Variants in RGS6 observed in about 807,000 individuals in gnomAD.
RGS6 encodes the protein regulator of G-protein signaling 6.
Under a neutral mutation model 78.5 loss-of-function variants are expected in RGS6, and 30 were observed. That is an observed-to-expected ratio of 0.38 (90% CI 0.29 to 0.52). The LOEUF is 0.52. Among genes scored for constraint, RGS6 ranks in the 20% least tolerant of loss-of-function variants. RGS6 has a pLI of 0.85. For missense variants in RGS6, 495 were observed against 609.7 expected (o/e 0.81, Z 1.98); for synonymous variants, 206 against 206.0 (o/e 1.00, Z 0.00).
chr14:71,869,553 C>G, the RGS6 span, among the ~76,000 whole-genome samples: 1 of 152,128 alleles, frequency 6.6e-6, no homozygotes, highest in Non-Finnish European at 1.5e-5. Flanking sequence ...ACAAGCTTCC[C>G]CAACAAAGGA....
chr14:72,538,324 C>T (rs530003822), intron 16 of RGS6, among the ~76,000 whole-genome samples: 8 of 152,316 alleles, frequency 5.3e-5, no homozygotes, highest in East Asian at 1.9e-4. Context: ...CTGACCTGGA[C>T]GGAGTCTTGA....
chr14:71,952,381 C>T (rs1444903979), intron 1 of RGS6, among the ~76,000 whole-genome samples: 2 of 152,004 alleles, frequency 1.3e-5, no homozygotes, highest in Non-Finnish European at 2.9e-5. Context: ...CACAGAATAG[C>T]GGGCTCACCT....
chr14:71,964,902 G>A (rs187282580), intron 2 of RGS6, 27 bp downstream of exon 2: 79 of 1,581,276 alleles, frequency 5.0e-5, no homozygotes, highest in African/African-American at 1.5e-4. Context: ...AGTGCCGTGC[G>A]TGCTGTCCGT....
At chr14:72,463,843 G>C (rs1418701497) in intron 6 of RGS6, among the ~76,000 whole-genome samples, 1 of 152,214 alleles carries the variant, frequency 6.6e-6, no homozygotes, top group Non-Finnish European at 1.5e-5. Flanking sequence ...TGATAGATCG[G>C]ACACCCCTTT....
chr14:72,628,779 T>A, the RGS6 span, among the ~76,000 whole-genome samples: 2 of 151,966 alleles, frequency 1.3e-5, no homozygotes, highest in East Asian at 3.9e-4. Flanking sequence ...CAGAGGAAAA[T>A]GTCAGACAGC....
chr14:72,571,002 C>T (rs1337597233), downstream of RGS6, among the ~76,000 whole-genome samples: 2 of 152,114 alleles, frequency 1.3e-5, no homozygotes, highest in African/African-American at 2.4e-5. Flanking sequence ...CCAGACATAT[C>T]TTGTACATTT....
chr14:72,176,597 G>T (rs959355889), intron 2 of RGS6, among the ~76,000 whole-genome samples: 1 of 152,234 alleles, frequency 6.6e-6, no homozygotes, highest in Non-Finnish European at 1.5e-5. Context: ...AAGCCTGAAG[G>T]CTTCTGGGAG....
chr14:72,109,604 CA>C (rs1398160117), intron 2 of RGS6, among the ~76,000 whole-genome samples: 1 of 152,172 alleles, frequency 6.6e-6, no homozygotes, highest in East Asian at 1.9e-4. Context: ...TGCCCAATTA[CA>C]GAGCAAAATA....
chr14:72,145,362 C>G (rs1001654554), intron 2 of RGS6, among the ~76,000 whole-genome samples: 3 of 152,128 alleles, frequency 2.0e-5, no homozygotes, highest in African/African-American at 7.2e-5. Flanking sequence ...GGACAGAATT[C>G]CTTCCCAAAG....
At chr14:72,070,985 A>C (rs2094388866) in intron 2 of RGS6, among the ~76,000 whole-genome samples, 1 of 151,578 alleles carries the variant, frequency 6.6e-6, no homozygotes, top group African/African-American at 2.4e-5. Context: ...AAAATATTTT[A>C]TTCATCTCCT....
chr14:72,520,750 T>A (rs2097026111), intron 15 of RGS6, among the ~76,000 whole-genome samples: 1 of 152,242 alleles, frequency 6.6e-6, no homozygotes, highest in South Asian at 2.1e-4. Context: ...TTTACTATCT[T>A]TGTAAACTCA....
chr14:72,316,575 T>G (rs2070292806), intron 2 of RGS6, among the ~76,000 whole-genome samples: 1 of 152,242 alleles, frequency 6.6e-6, no homozygotes, highest in South Asian at 2.1e-4. Flanking sequence ...CTCATCCTTT[T>G]TTATGGCTGC....
intron 2 of RGS6, among the ~76,000 whole-genome samples, chr14:72,131,307 CT>C (rs2153591059): frequency 6.6e-6 from 1 of 152,282 alleles, no homozygotes; most frequent in African/African-American, 2.4e-5. Context: ...CTGCTGGAGT[CT>C]TCTTTTTAGG....
intron 3 of RGS6, among the ~76,000 whole-genome samples, chr14:72,426,554 G>T (rs1374229418): frequency 1.3e-5 from 2 of 152,234 alleles, no homozygotes; most frequent in Non-Finnish European, 2.9e-5. Context: ...GGCTCAGAGA[G>T]GTTGAGTGAC....
intron 1 of RGS6, among the ~76,000 whole-genome samples, chr14:71,947,924 T>G (rs1447345686): frequency 6.6e-6 from 1 of 152,172 alleles, no homozygotes; most frequent in African/African-American, 2.4e-5. Context: ...GAATGCCATA[T>G]AATAGTGTTG....
intron 2 of RGS6, among the ~76,000 whole-genome samples, chr14:72,350,453 C>T (rs78945543): frequency 0.013 from 2,045 of 152,296 alleles, 28 homozygotes; most frequent in Non-Finnish European, 0.022. Flanking sequence ...TTCCTCCTGT[C>T]ACCCAGAGGA....
chr14:71,954,794 C>T (rs531186369), intron 1 of RGS6, among the ~76,000 whole-genome samples: 1 of 152,144 alleles, frequency 6.6e-6, no homozygotes, highest in Non-Finnish European at 1.5e-5. Context: ...TTCCTTCTCT[C>T]TGGTTTCATT....
the RGS6 span, among the ~76,000 whole-genome samples, chr14:71,895,760 C>T: frequency 1.3e-5 from 2 of 152,284 alleles, no homozygotes; most frequent in East Asian, 3.9e-4. Context: ...CATTAGTATT[C>T]CTTGGCCTGA....
chr14:72,432,337 AT>A (rs1480153657), intron 3 of RGS6, among the ~76,000 whole-genome samples: 1 of 152,218 alleles, frequency 6.6e-6, no homozygotes, highest in African/African-American at 2.4e-5. Context: ...GCAGCTAACA[AT>A]TCTACATGAT....
Sources: allele counts gnomAD v4.1 joint callset (sites outside exome capture counted in the v4.1 genomes callset), GRCh38; gene constraint gnomAD v4.1.1; transcripts MANE v1.5; gene names NCBI Gene and HGNC (gene_info 2026-07-23, HGNC 2026-07-21).